The following KCNK12 variants were observed in gnomAD, a reference collection of about 807,000 sequenced individuals.
KCNK12 encodes the protein potassium channel subfamily K member 12.
A neutral mutation model predicts 25.3 loss-of-function variants in KCNK12; 6 were observed. The ratio of observed to expected loss-of-function variants is 0.24; its 90% confidence interval spans 0.13 to 0.47. The LOEUF (loss-of-function observed/expected upper bound fraction) is 0.47, where lower values mean the gene tolerates loss of function less well. Among genes scored for constraint, KCNK12 ranks in the 20% least tolerant of loss-of-function variants. The pLI is 0.99. For missense variants in KCNK12, 444 were observed against 661.7 expected, an observed-to-expected ratio of 0.67 and a Z score of 3.61; for synonymous variants, 331 against 311.1, an observed-to-expected ratio of 1.06 and a Z score of -0.67.
chr2:47,562,380 G>A lies in KCNK12; in HGVS notation c.391+7561C>T. The A allele has an allele frequency of 2.9e-6, 1 of 347,280 alleles. No homozygotes were observed. Among genetic ancestry groups the A allele is most frequent in the Non-Finnish European group, 5.2e-6 (1 of 193,684 alleles). 21.5% of individuals were successfully genotyped at this position (347,280 alleles called of 1,614,324 possible). On this transcript the variant is annotated intron_variant, in intron 1 of 1. Coordinates refer to ENST00000327876, the MANE Select transcript of KCNK12 (RefSeq NM_022055.2). The surrounding 1 kb of genome is among the most constrained non-coding windows in gnomAD (Gnocchi z 4.8). ...GAATGAGATCCTCTGGGATCTGGAGGAAGCAGATGGAGGAGAAACCCCAGG... is the reference window on the plus strand; with the variant it reads ...GAATGAGATCCTCTGGGATCTGGAGAAAGCAGATGGAGGAGAAACCCCAGG...
rs1323460774 is a variant in KCNK12, at chr2:47,517,375, G to A, written c.*3532C>T. On this transcript the variant is annotated 3_prime_UTR_variant, in exon 2 of 2. Coordinates refer to ENST00000327876, the MANE Select transcript of KCNK12 (RefSeq NM_022055.2). The surrounding 1 kb of genome is among the most constrained non-coding windows in gnomAD (Gnocchi z 4.1). ...TTTAGCAGCTATTTTCCAGGGTTTG[G>A]CTTGGGTTTGGATGCTGGCTTCTGT... 6.6e-6 allele frequency: 1 copy of A among 152,124 alleles called. No homozygotes were observed. The highest frequency in any genetic ancestry group is 1.5e-5 in the Non-Finnish European group (1 of 68,052). The allele number at this position is 152,124 out of a possible 1,614,324, so 9.4% of individuals were successfully genotyped here.
In KCNK12 at chr2:47,557,436, G is replaced by GT. The variant is rs943223560; in HGVS notation, c.391+12504dup. On this transcript the variant is annotated intron_variant, in intron 1 of 1. Coordinates refer to ENST00000327876, the MANE Select transcript of KCNK12 (RefSeq NM_022055.2). The surrounding 1 kb of genome is among the most constrained non-coding windows in gnomAD (Gnocchi z 4.9). Reference sequence around the variant, plus strand: ...GAGTGAAATCAACTTTTTTTTGTTTGTTTTTTTTTAATAAATTACCCAGTC... The same window carrying GT: ...GAGTGAAATCAACTTTTTTTTGTTTGTTTTTTTTTTAATAAATTACCCAGTC... Among the ~76,000 whole-genome samples the GT allele has an allele frequency of 1.3e-3, 189 of 149,736 alleles. No homozygotes were observed. The highest frequency in any genetic ancestry group is 2.2e-3 in the African/African-American group (89 of 40,252).
intron 1 of KCNK12, among the ~76,000 whole-genome samples, chr2:47,552,745 A>G (rs1669464285): frequency 1.3e-5 from 2 of 151,958 alleles, no homozygotes; most frequent in African/African-American, 2.4e-5. Flanking sequence ...TCCAGCCTGG[A>G]TGACAGAGTG....
chr2:47,558,670 A>C (rs142019797), intron 1 of KCNK12, among the ~76,000 whole-genome samples: 38 of 152,304 alleles, frequency 2.5e-4, no homozygotes, highest in African/African-American at 8.7e-4. Context: ...AGGGAAGAGG[A>C]TCATGGCCAT....
chr2:47,537,950 G>T (rs1669111573), intron 1 of KCNK12, among the ~76,000 whole-genome samples: 1 of 152,288 alleles, frequency 6.6e-6, no homozygotes, highest in South Asian at 2.1e-4. Context: ...TGGGCACAAG[G>T]TCTGCAAGGT....
In KCNK12 at chr2:47,566,186, T is replaced by C. The variant is rs1004371920; in HGVS notation, c.391+3755A>G. 2 of 152,124 alleles carry C rather than the reference T, an allele frequency of 1.3e-5. No individual in the cohort carries two copies. The highest frequency in any genetic ancestry group is 2.4e-5 in the African/African-American group (1 of 41,408). 9.4% of individuals were successfully genotyped at this position (152,124 alleles called of 1,614,324 possible). ...AATTTTCCACTGGTACCGCACTGTGTAGACACACGTGTATCTACACGATTG... is the reference window on the plus strand; with the variant it reads ...AATTTTCCACTGGTACCGCACTGTGCAGACACACGTGTATCTACACGATTG... On this transcript the variant is annotated intron_variant, in intron 1 of 1. Coordinates refer to ENST00000327876, the MANE Select transcript of KCNK12 (RefSeq NM_022055.2). The surrounding 1 kb of genome is among the most constrained non-coding windows in gnomAD (Gnocchi z 4.1).
intron 1 of KCNK12, chr2:47,564,166 G>A (rs1179676527): frequency 4.3e-6 from 1 of 231,696 alleles, no homozygotes; most frequent in Non-Finnish European, 8.5e-6. Context: ...AGAAAACCAA[G>A]TGGATGTGCG....
Position 47,517,032 on chromosome 2 carries a change from C to T in KCNK12, c.*3875G>A, listed in dbSNP as rs542588387. The T allele has an allele frequency of 6.6e-6, 1 of 150,866 alleles. No homozygotes were observed. Among genetic ancestry groups the T allele is most frequent in the East Asian group, 2.0e-4 (1 of 5,010 alleles). 9.3% of individuals were successfully genotyped at this position (150,866 alleles called of 1,614,324 possible). A position where few individuals can be genotyped will look rare whatever the true frequency, so the allele number is the denominator to read the frequency against. On this transcript the variant is annotated 3_prime_UTR_variant, in exon 2 of 2. Coordinates refer to ENST00000327876, the MANE Select transcript of KCNK12 (RefSeq NM_022055.2). This position sits in a 1 kb window ranked among gnomAD's most constrained non-coding sequence, Gnocchi z 4.1. ...ACCACCAGCACATTATACAACAATA[C>T]AAGAACCCTGCAACAGATAAAGCCC...
rs1481087024 is a variant in KCNK12, at chr2:47,566,377, C to G, written c.391+3564G>C. On this transcript the variant is annotated intron_variant, in intron 1 of 1. Transcript: ENST00000327876. The surrounding 1 kb of genome is among the most constrained non-coding windows in gnomAD (Gnocchi z 4.1). The stretch of plus-strand genomic sequence containing the variant: ...GCCCATTCCTGCTCCTTCTTCCCCT[C>G]CTCTATACACATGTGCTCTCAAGAG... 1 of 152,142 alleles carries G rather than the reference C, an allele frequency of 6.6e-6. No homozygotes were observed. The highest frequency in any genetic ancestry group is 2.4e-5 in the African/African-American group (1 of 41,392). 9.4% of individuals were successfully genotyped at this position (152,142 alleles called of 1,614,324 possible).
chr2:47,532,878 A>G (rs1164459910), intron 1 of KCNK12, among the ~76,000 whole-genome samples: 1 of 152,202 alleles, frequency 6.6e-6, no homozygotes, highest in Admixed American at 6.5e-5. Context: ...GAGAGCTGAG[A>G]GCAGAACTAG....
rs1355182618 is a variant in KCNK12, at chr2:47,565,898, A to T, written c.391+4043T>A. On this transcript the variant is annotated intron_variant, in intron 1 of 1. Transcript: ENST00000327876. This position sits in a 1 kb window ranked among gnomAD's most constrained non-coding sequence, Gnocchi z 5.0. ...CATGCCAAAGGCCACACATGCATCT[A>T]TGATGAGTGATGCTTGTCTTAGATG... 1 of 152,270 alleles carries T rather than the reference A, an allele frequency of 6.6e-6. No homozygotes were observed. The highest frequency in any genetic ancestry group is 2.4e-5 in the African/African-American group (1 of 41,474). The allele number at this position is 152,270 out of a possible 1,614,324, so 9.4% of individuals were successfully genotyped here.
intron 1 of KCNK12, among the ~76,000 whole-genome samples, chr2:47,546,535 T>C (rs1050371733): frequency 6.6e-6 from 1 of 152,172 alleles, no homozygotes; most frequent in Non-Finnish European, 1.5e-5. Flanking sequence ...CGAGCACCTA[T>C]AGTCCCAGAT....
chr2:47,521,365 C>G lies in KCNK12; in HGVS notation c.835G>C (p.Gly279Arg). Residue 279 changes from glycine (G) to arginine (R), a missense_variant, in exon 2 of 2, where the codon GGC becomes CGC. Around this residue, in one of 8 missense-constraint regions of KCNK12, gnomAD observed 56 missense variants for 135.7 expected, o/e 0.41. Coordinates refer to ENST00000327876, the MANE Select transcript of KCNK12 (RefSeq NM_022055.2). The stretch of plus-strand genomic sequence containing the variant: ...CCGAGCAGGATGAAGAGGAAGTTGC[C>G]CAGGCGGTAGAGCCCCTGGTTCCGG... ...AYRNQGLYRL[G>R]NFLFILLGVC... 3 of 1,613,616 alleles carry G rather than the reference C, an allele frequency of 1.9e-6. No individual in the cohort carries two copies. The highest frequency in any genetic ancestry group is 2.5e-6 in the Non-Finnish European group (3 of 1,179,846).
Position 47,556,814 on chromosome 2 carries a change from A to G in KCNK12, c.391+13127T>C, listed in dbSNP as rs570935091. Among the ~76,000 whole-genome samples, 1 of 152,344 alleles carries G rather than the reference A, an allele frequency of 6.6e-6. No individual in the cohort carries two copies. Among genetic ancestry groups the G allele is most frequent in the East Asian group, 1.9e-4 (1 of 5,188 alleles). On this transcript the variant is annotated intron_variant, in intron 1 of 1. Coordinates refer to ENST00000327876, the MANE Select transcript of KCNK12 (RefSeq NM_022055.2). The surrounding 1 kb of genome is among the most constrained non-coding windows in gnomAD (Gnocchi z 4.8). ...CAAAGGATTATGATCTCACCCAAACAGGGTGATATCAGAGGATGGGAGCTG... is the reference window on the plus strand; with the variant it reads ...CAAAGGATTATGATCTCACCCAAACGGGGTGATATCAGAGGATGGGAGCTG...
At position 47,517,946 on chromosome 2, in the gene KCNK12, A is replaced by T. The variant is rs916249357; in HGVS notation, c.*2961T>A. On this transcript the variant is annotated 3_prime_UTR_variant, in exon 2 of 2. Coordinates refer to ENST00000327876, the MANE Select transcript of KCNK12 (RefSeq NM_022055.2). The surrounding 1 kb of genome is among the most constrained non-coding windows in gnomAD (Gnocchi z 4.1). ...CCTAAGGTTAGGAAGCAAATCCTGG[A>T]GCATGAGGAAATTGTAGGCTACAGT... 2 of 152,222 alleles carry T rather than the reference A, an allele frequency of 1.3e-5. No homozygotes were observed. The highest frequency in any genetic ancestry group is 1.5e-5 in the Non-Finnish European group (1 of 68,076). 9.4% of individuals were successfully genotyped at this position (152,222 alleles called of 1,614,324 possible).
At chr2:47,564,181 CT>C (rs1669744142) in intron 1 of KCNK12, 1 of 231,424 alleles carries the variant, frequency 4.3e-6, no homozygotes, top group Non-Finnish European at 8.5e-6. Context: ...TGTGCGGCCC[CT>C]TTCCATGGAG....
In KCNK12 at chr2:47,546,134, G is replaced by C. The variant is rs117298175; in HGVS notation, c.391+23807C>G. On this transcript the variant is annotated intron_variant, in intron 1 of 1. Transcript: ENST00000327876. ...CAGTGGCTTCCTAGGGTCTAGAACT[G>C]TGAGTCCCAATGATCAGGCTTGGAA... Among the ~76,000 whole-genome samples the C allele has an allele frequency of 2.4e-4, 37 of 152,328 alleles. No individual in the cohort carries two copies. The East Asian group carries it at 6.9e-3, about 29-fold the overall frequency.
intron 1 of KCNK12, among the ~76,000 whole-genome samples, chr2:47,550,632 C>T (rs1169935051): frequency 6.6e-6 from 1 of 152,078 alleles, no homozygotes; most frequent in Admixed American, 6.6e-5. Flanking sequence ...ACCCACCCGC[C>T]TCGGCCTCCC....
intron 1 of KCNK12, among the ~76,000 whole-genome samples, chr2:47,526,574 A>T (rs1378667964): frequency 6.6e-6 from 1 of 152,016 alleles, no homozygotes; most frequent in Non-Finnish European, 1.5e-5. Context: ...TTATACTAAA[A>T]ATACAAAAAT....
Sources: gnomAD v4.1 joint callset for allele counts (sites outside exome capture counted in the v4.1 genomes callset) on GRCh38, gnomAD v4.1.1 for gene constraint, gnomAD v4.1.1 regional missense constraint, Gnocchi (gnomAD v3.1) non-coding constraint, MANE v1.5 for transcripts, NCBI Gene and HGNC (gene_info 2026-07-23, HGNC 2026-07-21) for gene names.